Variants in JAKMIP1 observed in about 807,000 individuals in gnomAD.
JAKMIP1 encodes janus kinase and microtubule-interacting protein 1.
Under a neutral mutation model 113.0 loss-of-function variants are expected in JAKMIP1, and 33 were observed. The observed-to-expected ratio is 0.29, with a 90% CI of 0.22 to 0.39. JAKMIP1 has a LOEUF of 0.39. Among genes scored for constraint, JAKMIP1 ranks in the 10% least tolerant of loss-of-function variants. The pLI, the probability that JAKMIP1 is intolerant of heterozygous loss-of-function variation, is 1.00. For missense variants in JAKMIP1, 813 were observed against 1,080.5 expected, an observed-to-expected ratio of 0.75 and a Z score of 3.47; for synonymous variants, 480 against 459.9, an observed-to-expected ratio of 1.04 and a Z score of -0.56.
rs144553832 is a variant in JAKMIP1 at position 6,104,918 on chromosome 4, C to G, written c.624+555G>C. On this transcript the variant is annotated intron_variant, in intron 3 of 20. Coordinates refer to ENST00000409021, the MANE Select transcript of JAKMIP1 (RefSeq NM_001099433.2). ...GTCCTACTCATCTCTCTGAGGACAT[C>G]CAATCCTCAGCCCGCACCCAGAATC... Among the ~76,000 whole-genome samples, 823 of 152,330 alleles carry G rather than the reference C, an allele frequency of 5.4e-3. 8 individuals are homozygous for G. The highest frequency in any genetic ancestry group is 0.019 in the African/African-American group (793 of 41,562).
intron 1 of JAKMIP1, among the ~76,000 whole-genome samples, chr4:6,126,617 C>CACACACACACAAACACACACCATGCAGAA (rs1717697682): frequency 2.2e-5 from 2 of 90,318 alleles, no homozygotes; most frequent in South Asian, 7.7e-4. Context: ...CATGCAGAAA[C>CACACACACACAAACACACACCATGCAGAA]ACACACACAC....
At chr4:6,123,648 T>C (rs1717004180) in intron 1 of JAKMIP1, among the ~76,000 whole-genome samples, 4 of 152,176 alleles carry the variant, frequency 2.6e-5, no homozygotes, top group Admixed American at 1.3e-4. Context: ...AGGAAGACCC[T>C]GTCTCTACAA....
At chr4:6,125,002 G>C (rs1341403581) in intron 1 of JAKMIP1, among the ~76,000 whole-genome samples, 2 of 152,202 alleles carry the variant, frequency 1.3e-5, no homozygotes, top group Non-Finnish European at 2.9e-5. Context: ...GTCAGGGGCT[G>C]TAGGTCACAG....
intron 11 of JAKMIP1, among the ~76,000 whole-genome samples, chr4:6,057,614 G>A (rs1321394749): frequency 6.6e-6 from 1 of 152,236 alleles, no homozygotes; most frequent in African/African-American, 2.4e-5. Context: ...TGTGAGGAGT[G>A]GCTGTGCTCC....
At position 6,126,371 on chromosome 4, in the gene JAKMIP1, G is replaced by GCACAAACACACACCAGGCAGAAACACTCA. The variant is rs149868835; in HGVS notation, c.-147-13375_-147-13374insTGAGTGTTTCTGCCTGGTGTGTGTTTGTG. ...ACACACCATGCAGAAACACACACATGCACAAACACACATCATACAGAAACA... is the reference window on the plus strand; with the variant it reads ...ACACACCATGCAGAAACACACACATGCACAAACACACACCAGGCAGAAACACTCACACAAACACACATCATACAGAAACA... On this transcript the variant is annotated intron_variant, in intron 1 of 20. Transcript: ENST00000409021. 1.7e-5 allele frequency among the ~76,000 whole-genome samples: 2 copies of GCACAAACACACACCAGGCAGAAACACTCA among 117,484 alleles called. 1 individual carries two copies. The highest frequency in any genetic ancestry group is 7.2e-5 in the African/African-American group (2 of 27,734). 77.1% of individuals were successfully genotyped at this position (117,484 alleles called of 152,430 possible).
At chr4:6,161,240 C>CTCCACTCACT (rs367749515) in intron 1 of JAKMIP1, among the ~76,000 whole-genome samples, 3,044 of 147,568 alleles carry the variant, frequency 0.021, 103 homozygotes, top group Admixed American at 0.066. Context: ...CTCCACTCAC[C>CTCCACTCACT]TCCCCTGACC....
rs1553868804 is a variant in JAKMIP1, at chr4:6,198,316, CG to C, written c.-148+1936del. Among the ~76,000 whole-genome samples, 5 of 151,570 alleles carry C rather than the reference CG, an allele frequency of 3.3e-5. No homozygotes were observed. The South Asian group carries it at 6.3e-4, about 19-fold the overall frequency. The stretch of plus-strand genomic sequence containing the variant: ...CAAGGGAGGGGAGCATTGTTTTAGA[CG>C]GGGGGAAAAAGAAGCATGTGGGGGA... On this transcript the variant is annotated intron_variant, in intron 1 of 20. Coordinates refer to ENST00000409021, the MANE Select transcript of JAKMIP1 (RefSeq NM_001099433.2).
chr4:6,070,923 C>T (rs1283339548), intron 8 of JAKMIP1, among the ~76,000 whole-genome samples: 2 of 152,228 alleles, frequency 1.3e-5, no homozygotes, highest in African/African-American at 2.4e-5. Flanking sequence ...CTCGGAGAAG[C>T]GTCACCAGAC....
intron 1 of JAKMIP1, among the ~76,000 whole-genome samples, chr4:6,164,802 G>T (rs894657664): frequency 2.6e-5 from 4 of 152,240 alleles, no homozygotes; most frequent in African/African-American, 7.2e-5. Context: ...GAATTAGAAT[G>T]AGAAGTGGAT....
intron 16 of JAKMIP1, among the ~76,000 whole-genome samples, chr4:6,045,529 G>T (rs1423407885): frequency 6.6e-6 from 1 of 152,192 alleles, no homozygotes; most frequent in African/African-American, 2.4e-5. Flanking sequence ...AATCAACACA[G>T]GCACATCATA....
intron 1 of JAKMIP1, among the ~76,000 whole-genome samples, chr4:6,161,857 G>C (rs1578424634): frequency 6.6e-6 from 1 of 152,268 alleles, no homozygotes; most frequent in South Asian, 2.1e-4. Context: ...GTGCAAGTTT[G>C]GGCTGGGCTT....
rs1716952512 is a variant in JAKMIP1 at position 6,059,436 on chromosome 4, T to C, written c.1644+988A>G. ...CACCCCTTGCTTCACACCCGCCTCC[T>C]CCCACTGTATCCCACCAGGCCTAGG... On this transcript the variant is annotated intron_variant, in intron 11 of 20. Coordinates refer to ENST00000409021, the MANE Select transcript of JAKMIP1 (RefSeq NM_001099433.2). The surrounding 1 kb of genome is among the most constrained non-coding windows in gnomAD (Gnocchi z 4.8). Among the ~76,000 whole-genome samples, 1 of 152,064 alleles carries C rather than the reference T, an allele frequency of 6.6e-6. No homozygotes were observed. Among genetic ancestry groups the C allele is most frequent in the South Asian group, 2.1e-4 (1 of 4,828 alleles).
intron 1 of JAKMIP1, among the ~76,000 whole-genome samples, chr4:6,172,863 G>A (rs1724902445): frequency 6.6e-6 from 1 of 152,106 alleles, no homozygotes; most frequent in Admixed American, 6.5e-5. Flanking sequence ...CAGATCGAGT[G>A]CAGAGGGTGA....
At chr4:6,028,242 T>G (rs929332076) in intron 20 of JAKMIP1, among the ~76,000 whole-genome samples, 1 of 152,230 alleles carries the variant, frequency 6.6e-6, no homozygotes, top group Non-Finnish European at 1.5e-5. Context: ...CCTTGGGTTC[T>G]CAGAATATCC....
Position 6,197,290 on chromosome 4 carries a change from G to T in JAKMIP1, c.-148+2963C>A, listed in dbSNP as rs1254679916. Among the ~76,000 whole-genome samples, 1 of 152,136 alleles carries T rather than the reference G, an allele frequency of 6.6e-6. No homozygotes were observed. Among genetic ancestry groups the T allele is most frequent in the Non-Finnish European group, 1.5e-5 (1 of 68,032 alleles). ...ATACCTCTCAGCCCACCACAATGGT[G>T]GCCACTGCTCTGATCATTAGTTTCA... On this transcript the variant is annotated intron_variant, in intron 1 of 20. Transcript: ENST00000409021. The surrounding 1 kb of genome is among the most constrained non-coding windows in gnomAD (Gnocchi z 6.5).
rs756950973 is a variant in JAKMIP1 at position 6,085,465 on chromosome 4, C to A, written c.789G>T (p.Glu263Asp). ...CCATGTCCCCGATCCCGGGCGGGAG[C>A]TCTCTCTTTGGACTACTGTGGTGCC... is the stretch of plus-strand genomic sequence containing the variant. ...AERHHSSPKR[E>D]LPPGIGDMVE... Residue 263 changes from glutamate to aspartate, a missense_variant, in exon 4 of 21, where the codon GAG becomes GAT. Coordinates refer to ENST00000409021, the MANE Select transcript of JAKMIP1 (RefSeq NM_001099433.2). 6.2e-7 allele frequency: 1 copy of A among 1,613,922 alleles called. No homozygotes were observed. Among genetic ancestry groups the A allele is most frequent in the Non-Finnish European group, 8.5e-7 (1 of 1,180,030 alleles).
intron 1 of JAKMIP1, among the ~76,000 whole-genome samples, chr4:6,133,223 GAAT>G (rs879465077): frequency 5.3e-5 from 8 of 152,292 alleles, no homozygotes; most frequent in Admixed American, 3.9e-4. Context: ...CTAAGCTCCT[GAAT>G]ATTCTATAGG....
rs555947780 is a variant in JAKMIP1 at position 6,125,885 on chromosome 4, C to T, written c.-147-12888G>A. On this transcript the variant is annotated intron_variant, in intron 1 of 20. Coordinates refer to ENST00000409021, the MANE Select transcript of JAKMIP1 (RefSeq NM_001099433.2). ...AAACTCGCGCCATACACTCCATACA[C>T]ACCATGCAGAAACACACACACACAC... Among the ~76,000 whole-genome samples the T allele has an allele frequency of 8.4e-4, 57 of 67,904 alleles. 8 individuals carry two copies. The highest frequency in any genetic ancestry group is 4.1e-3 in the African/African-American group (48 of 11,714). 44.5% of individuals were successfully genotyped at this position (67,904 alleles called of 152,430 possible).
rs989002762 is a variant in JAKMIP1 at position 6,059,494 on chromosome 4, C to A, written c.1644+930G>T. Among the ~76,000 whole-genome samples the A allele has an allele frequency of 2.6e-5, 4 of 152,138 alleles. No individual in the cohort carries two copies. The highest frequency in any genetic ancestry group is 4.8e-5 in the African/African-American group (2 of 41,436). On this transcript the variant is annotated intron_variant, in intron 11 of 20. Transcript: ENST00000409021. The surrounding 1 kb of genome is among the most constrained non-coding windows in gnomAD (Gnocchi z 4.8). ...GTAGACCTTGCCTGGCCTCCTCAGC[C>A]CCCCATAGATGCCTCTCTGCAGGCA...
Sources: allele counts gnomAD v4.1 joint callset (sites outside exome capture counted in the v4.1 genomes callset), GRCh38; gene constraint gnomAD v4.1.1; non-coding constraint Gnocchi (gnomAD v3.1); transcripts MANE v1.5; gene names NCBI Gene and HGNC (gene_info 2026-07-23, HGNC 2026-07-21).